The following LMF1 variants were observed in gnomAD, a reference collection of about 807,000 sequenced individuals.
The protein encoded by LMF1 is transmembrane protein 112.
Under a neutral mutation model 60.6 loss-of-function variants are expected in LMF1, and 68 were observed. That is an observed-to-expected ratio of 1.12 (90% CI 0.92 to 1.37). The LOEUF (loss-of-function observed/expected upper bound fraction) is 1.37, where lower values mean the gene tolerates loss of function less well. Ranked by LOEUF, LMF1 falls within the 40% of genes most tolerant of loss-of-function variation. The pLI, the probability that LMF1 is intolerant of heterozygous loss-of-function variation, is 0.00. For missense variants in LMF1, 948 were observed against 767.2 expected, an observed-to-expected ratio of 1.24 and a Z score of -2.78; for synonymous variants, 418 against 324.7, an observed-to-expected ratio of 1.29 and a Z score of -3.09.
chr16:979,330 C>T (rs1195158885), intron 1 of LMF1: 2 of 354,484 alleles, frequency 5.6e-6, no homozygotes, highest in Non-Finnish European at 5.6e-6. Context: ...CACATACCGC[C>T]CTCCCGGGAG....
At chr16:946,839 C>T (rs1428583077) in intron 2 of LMF1, among the ~76,000 whole-genome samples, 1 of 152,206 alleles carries the variant, frequency 6.6e-6, no homozygotes, top group Non-Finnish European at 1.5e-5. Context: ...GTCCACGGTG[C>T]CAAGCAGGGG....
At chr16:978,181 C>G (rs2073227605) in intron 1 of LMF1, among the ~76,000 whole-genome samples, 1 of 148,764 alleles carries the variant, frequency 6.7e-6, no homozygotes, top group South Asian at 2.1e-4. Flanking sequence ...ACCATACACG[C>G]ACCCCACACA....
At chr16:905,332 C>T (rs1335630622) in intron 4 of LMF1, 8 of 153,574 alleles carry the variant, frequency 5.2e-5, no homozygotes, top group African/African-American at 1.3e-4. Context: ...GCCCACAGGA[C>T]GCCCGTCTCT....
intron 3 of LMF1, chr16:921,058 C>G (rs867436543): frequency 6.6e-6 from 1 of 152,284 alleles, no homozygotes; most frequent in African/African-American, 2.4e-5. Context: ...GGGTCTCTGT[C>G]TCAGTGCTCA....
chr16:871,641 C>A, intron 6 of LMF1: 1 of 372,114 alleles, frequency 2.7e-6, no homozygotes, highest in Non-Finnish European at 4.9e-6. Context: ...GACCAGACCA[C>A]CAGACCCTGT....
At chr16:902,753 G>C (rs1481962905) in intron 4 of LMF1, among the ~76,000 whole-genome samples, 4 of 131,264 alleles carry the variant, frequency 3.0e-5, no homozygotes, top group Non-Finnish European at 6.4e-5. Context: ...TCTCTGCTGC[G>C]TGGTGGTGAC....
intron 3 of LMF1, among the ~76,000 whole-genome samples, chr16:927,980 A>C (rs1373604247): frequency 6.6e-6 from 1 of 152,170 alleles, no homozygotes; most frequent in Admixed American, 6.5e-5. Flanking sequence ...CCCGCTTGGC[A>C]AGAGCACAGC....
chr16:874,313 G>C lies in LMF1; in HGVS notation c.898-2972C>G, dbSNP rs933518615. Among the ~76,000 whole-genome samples the C allele has an allele frequency of 1.3e-5, 2 of 152,070 alleles. No individual in the cohort carries two copies. The highest frequency in any genetic ancestry group is 4.8e-5 in the African/African-American group (2 of 41,420). ...CCGGGCCTCTGTCTTGAGCGGGCGT[G>C]GGGTGCAGCCACCACAGGGCAAGGA... On this transcript the variant is annotated intron_variant, in intron 6 of 10. Transcript: ENST00000262301. The surrounding 1 kb of genome is among the most constrained non-coding windows in gnomAD (Gnocchi z 4.1).
At chr16:977,753 G>A (rs1596188537) in intron 1 of LMF1, among the ~76,000 whole-genome samples, 2 of 152,004 alleles carry the variant, frequency 1.3e-5, no homozygotes, top group South Asian at 2.1e-4. Context: ...GGAGGGACAG[G>A]GGCCTCTCCA....
At chr16:947,955 CAG>C (rs2072285540) in intron 2 of LMF1, among the ~76,000 whole-genome samples, 2 of 138,894 alleles carry the variant, frequency 1.4e-5, no homozygotes, top group African/African-American at 2.7e-5. Context: ...ATGACAGAGT[CAG>C]AGCCAACGAC....
At chr16:879,770 GC>G (rs2070109778) in intron 5 of LMF1, 33 bp from the exon 6 acceptor site, 3 of 1,549,980 alleles carry the variant, frequency 1.9e-6, no homozygotes, top group African/African-American at 1.4e-5. Flanking sequence ...GAGGTGCCTG[GC>G]CGATCTCGGG....
intron 6 of LMF1, 141 bp downstream of exon 6, chr16:879,429 G>A: frequency 1.0e-6 from 1 of 1,000,906 alleles, no homozygotes; most frequent in Non-Finnish European, 1.4e-6. Context: ...TGACACAAAC[G>A]AAGGCTGGGG....
chr16:925,211 A>G (rs1334339617), intron 3 of LMF1, among the ~76,000 whole-genome samples: 1 of 152,238 alleles, frequency 6.6e-6, no homozygotes, highest in African/African-American at 2.4e-5. Context: ...CATACAGTTA[A>G]AAACAATTAA....
At chr16:876,010 G>A (rs1171977296) in intron 6 of LMF1, among the ~76,000 whole-genome samples, 1 of 152,228 alleles carries the variant, frequency 6.6e-6, no homozygotes, top group Admixed American at 6.5e-5. Context: ...CCCTCCCTGG[G>A]TGGCAGTGGG....
chr16:912,897 A>T (rs891041601), intron 3 of LMF1, among the ~76,000 whole-genome samples: 1 of 152,242 alleles, frequency 6.6e-6, no homozygotes, highest in Non-Finnish European at 1.5e-5. Context: ...AATAAGCAGC[A>T]CGCTGCCAGG....
Position 954,807 on chromosome 16 carries a change from T to G in LMF1, c.194-141A>C, listed in dbSNP as rs574054205. ...GACGGTTTGGGGCCAAACCCTAGAC[T>G]CAGGAGTCTGAGTACTTTCTCAAGA... On this transcript the variant is annotated intron_variant, in intron 1 of 10. Transcript: ENST00000262301. The G allele has an allele frequency of 1.9e-5, 14 of 739,576 alleles. No homozygotes were observed. In the South Asian group the frequency reaches 2.1e-4, roughly 11 times the overall value. The allele number at this position is 739,576 out of a possible 1,614,324, so 45.8% of individuals were successfully genotyped here. A position where few individuals can be genotyped will look rare whatever the true frequency, so the allele number is the denominator to read the frequency against.
chr16:884,368 G>T (rs1009968996), intron 5 of LMF1, among the ~76,000 whole-genome samples: 45 of 152,236 alleles, frequency 3.0e-4, no homozygotes, highest in African/African-American at 1.0e-3. Flanking sequence ...ATAAGGAGTT[G>T]TCACAGGAAA....
chr16:952,316 C>CCA (rs201515607), intron 2 of LMF1, among the ~76,000 whole-genome samples: 9,726 of 152,008 alleles, frequency 0.064, 331 homozygotes, highest in African/African-American at 0.073. Flanking sequence ...GGACCCCCCC[C>CCA]CACAGGTGCC....
chr16:861,920 C>CAGAT (rs1392341938), intron 10 of LMF1, among the ~76,000 whole-genome samples: 1 of 152,180 alleles, frequency 6.6e-6, no homozygotes, highest in East Asian at 1.9e-4. Context: ...AGGGCTTGTA[C>CAGAT]AGATGCTCTT....
Sources: gnomAD v4.1 joint callset for allele counts (sites outside exome capture counted in the v4.1 genomes callset) on GRCh38, gnomAD v4.1.1 for gene constraint, Gnocchi (gnomAD v3.1) non-coding constraint, MANE v1.5 for transcripts, NCBI Gene and HGNC (gene_info 2026-07-23, HGNC 2026-07-21) for gene names.